ATP2B4: variants seen among roughly 807,000 people sequenced by gnomAD.
ATP2B4 encodes ATPase plasma membrane Ca2+ transporting 4.
ATP2B4 carries 39 observed loss-of-function variants against 110.3 expected under a neutral mutation model. The ratio of observed to expected loss-of-function variants is 0.35; its 90% CI spans 0.27 to 0.46. The LOEUF is 0.46. Among genes scored for constraint, ATP2B4 ranks in the 20% least tolerant of loss-of-function variants. The pLI is 1.00. For synonymous variants in ATP2B4, 538 were observed against 571.7 expected (o/e 0.94, Z 0.84); for missense variants, 1,135 against 1,530.9 (o/e 0.74, Z 4.32).
At chr1:203,719,207 A>G (rs1241316534) in intron 15 of ATP2B4, among the ~76,000 whole-genome samples, 1 of 146,466 alleles carries the variant, frequency 6.8e-6, no homozygotes, top group African/African-American at 2.6e-5. Context: ...CCTAGATGAC[A>G]GAGCAAGACC....
chr1:203,728,304 TC>T (rs759403701), intron 20 of ATP2B4: 1 of 392,410 alleles, frequency 2.5e-6, no homozygotes, highest in Non-Finnish European at 5.2e-6. Flanking sequence ...TTTTATTTTT[TC>T]CACTTTCCAT....
chr1:203,683,345 A>G lies in ATP2B4; in HGVS notation c.140A>G (p.His47Arg). 1.2e-6 allele frequency: 2 copies of G among 1,614,202 alleles called. No individual in the cohort carries two copies. The highest frequency in any genetic ancestry group is 1.1e-5 in the South Asian group (1 of 91,078). ...SRDALTQINV[H>R]YGGVQNLCSR... ...GATGCACTGACCCAGATTAATGTCC[A>G]CTATGGAGGTGTACAGAATCTCTGC... Residue 47 changes from histidine (H) to arginine (R), a missense_variant, in exon 2 of 21, where the codon CAC becomes CGC. His to Arg is a conservative substitution (Grantham distance 29). Coordinates refer to ENST00000357681, the MANE Select transcript of ATP2B4 (RefSeq NM_001684.5).
At chr1:203,719,520 G>A (rs11240256) in intron 15 of ATP2B4, among the ~76,000 whole-genome samples, 3,462 of 151,814 alleles carry the variant, frequency 0.023, 140 homozygotes, top group African/African-American at 0.078. Context: ...GACCAGCCTG[G>A]CCAACATGAT....
chr1:203,701,186 T>A (rs868362918), intron 6 of ATP2B4, among the ~76,000 whole-genome samples: 1 of 151,818 alleles, frequency 6.6e-6, no homozygotes, highest in South Asian at 2.1e-4. Flanking sequence ...TGTAAAGGGA[T>A]GAGTTATAAA....
At chr1:203,714,636 C>T (rs745344005) in intron 15 of ATP2B4, among the ~76,000 whole-genome samples, 17 of 152,212 alleles carry the variant, frequency 1.1e-4, no homozygotes, top group Non-Finnish European at 2.5e-4. Flanking sequence ...CTTTTCACTT[C>T]TGAGGCCAAG....
chr1:203,631,671 G>C (rs61825606), intron 1 of ATP2B4, among the ~76,000 whole-genome samples: 17 of 152,208 alleles, frequency 1.1e-4, no homozygotes, highest in African/African-American at 4.1e-4. Context: ...TATTGAGCCC[G>C]GGAAGTTAGC....
intron 1 of ATP2B4, among the ~76,000 whole-genome samples, chr1:203,633,490 G>A (rs146694774): frequency 3.3e-5 from 5 of 152,290 alleles, no homozygotes; most frequent in South Asian, 2.1e-4. Context: ...CCAGTTGGGC[G>A]CAGTGGCTCA....
At chr1:203,648,610 G>A (rs1663883897) in intron 1 of ATP2B4, among the ~76,000 whole-genome samples, 2 of 152,222 alleles carry the variant, frequency 1.3e-5, no homozygotes, top group Admixed American at 1.3e-4. Flanking sequence ...CAAGGCACCT[G>A]TTCGGTGCAG....
At chr1:203,687,641 G>A (rs879565928) in intron 2 of ATP2B4, among the ~76,000 whole-genome samples, 52 of 152,266 alleles carry the variant, frequency 3.4e-4, no homozygotes, top group Middle Eastern at 3.4e-3. Flanking sequence ...AGCATCTTTA[G>A]TATAGATTGA....
At chr1:203,702,738 G>C (rs1362119292) in intron 7 of ATP2B4, among the ~76,000 whole-genome samples, 1 of 152,194 alleles carries the variant, frequency 6.6e-6, no homozygotes, top group Non-Finnish European at 1.5e-5. Context: ...CTAAGCAAGG[G>C]GCTGAGCCCT....
At chr1:203,663,856 G>A (rs760443401) in intron 1 of ATP2B4, among the ~76,000 whole-genome samples, 7 of 151,962 alleles carry the variant, frequency 4.6e-5, no homozygotes, top group Non-Finnish European at 7.4e-5. Context: ...CTCCTGCCTC[G>A]GCCTCCTGAG....
Position 203,642,905 on chromosome 1 carries a change from C to T in ATP2B4, c.-465+15686C>T, listed in dbSNP as rs140520354. The stretch of plus-strand genomic sequence containing the variant: ...CATGTTCTGAGTGCCTGGCTCACTA[C>T]TATGAGCCAGGGTAGTCATCGAATT... On this transcript the variant is annotated intron_variant, in intron 1 of 20. Coordinates refer to ENST00000357681, the MANE Select transcript of ATP2B4 (RefSeq NM_001684.5). 5.6e-3 allele frequency among the ~76,000 whole-genome samples: 849 copies of T among 152,314 alleles called. 5 individuals carry two copies. The highest frequency in any genetic ancestry group is 0.017 in the African/African-American group (717 of 41,564).
chr1:203,637,259 G>A (rs947264277), intron 1 of ATP2B4, among the ~76,000 whole-genome samples: 4 of 152,022 alleles, frequency 2.6e-5, no homozygotes, highest in Non-Finnish European at 5.9e-5. Flanking sequence ...GTGAAGCCCC[G>A]TCTCTACTAA....
At chr1:203,716,664 C>T (rs1381983757) in intron 15 of ATP2B4, among the ~76,000 whole-genome samples, 1 of 145,022 alleles carries the variant, frequency 6.9e-6, no homozygotes, top group Non-Finnish European at 1.5e-5. Context: ...CCCCCTCCAT[C>T]TTTTTTCCTA....
rs185397121 is a variant in ATP2B4, at chr1:203,730,112, T to G, written c.3309+2541T>G. Among the ~76,000 whole-genome samples the G allele has an allele frequency of 2.5e-3, 385 of 152,152 alleles. 3 individuals carry two copies. Among genetic ancestry groups the G allele is most frequent in the Admixed American group, 4.1e-3 (63 of 15,280 alleles). On this transcript the variant is annotated intron_variant, in intron 20 of 20. Transcript: ENST00000357681. ...AGGAGAAACAATAAATCGTCTTATT[T>G]TATTTCCTTTTCCTCTCTTTCCTTT...
rs1157319307 is a variant in ATP2B4, at chr1:203,716,054, A to G, written c.2406+1777A>G. Among the ~76,000 whole-genome samples, 3 of 144,416 alleles carry G rather than the reference A, an allele frequency of 2.1e-5. 1 individual carries two copies. Among genetic ancestry groups the G allele is most frequent in the Non-Finnish European group, 4.6e-5 (3 of 64,936 alleles). 94.7% of individuals were successfully genotyped at this position (144,416 alleles called of 152,430 possible). A position where few individuals can be genotyped will look rare whatever the true frequency, so the allele number is the denominator to read the frequency against. On this transcript the variant is annotated intron_variant, in intron 15 of 20. Transcript: ENST00000357681. ...ACAGGCTCTCTCAGTGATTCTATGTACCCTAAACTTTAAGAATCACTGATC... is the reference window on the plus strand; with the variant it reads ...ACAGGCTCTCTCAGTGATTCTATGTGCCCTAAACTTTAAGAATCACTGATC...
intron 1 of ATP2B4, chr1:203,657,667 C>T: frequency 2.5e-6 from 2 of 788,426 alleles, no homozygotes; most frequent in South Asian, 2.7e-5. Context: ...CGTTCATAAG[C>T]CTCTCAGCTT....
At chr1:203,683,531 G>C (rs1316390470) in intron 2 of ATP2B4, 133 bp downstream of exon 2, 20 of 844,022 alleles carry the variant, frequency 2.4e-5, no homozygotes, top group Non-Finnish European at 3.5e-5. Context: ...GAAAGGTATG[G>C]CATCTGAAGC....
At chr1:203,631,208 G>A (rs547870992) in intron 1 of ATP2B4, among the ~76,000 whole-genome samples, 1 of 152,208 alleles carries the variant, frequency 6.6e-6, no homozygotes, top group South Asian at 2.1e-4. Flanking sequence ...AGAGGCCAAA[G>A]GAAAGGAAAG....
Sources: allele counts gnomAD v4.1 joint callset (sites outside exome capture counted in the v4.1 genomes callset), GRCh38; gene constraint gnomAD v4.1.1; transcripts MANE v1.5; gene names NCBI Gene and HGNC (gene_info 2026-07-23, HGNC 2026-07-21).